Variants in CACNB2 observed in about 807,000 individuals in gnomAD.
CACNB2 encodes the protein voltage-dependent L-type calcium channel subunit beta-2.
Under a neutral mutation model 73.3 loss-of-function variants are expected in CACNB2, and 42 were observed. The ratio of observed to expected loss-of-function variants is 0.57; its 90% confidence interval spans 0.45 to 0.74. The LOEUF is 0.74. Among genes scored for constraint, CACNB2 ranks in the 30% least tolerant of loss-of-function variants. The pLI is 0.00. For missense variants in CACNB2, 940 were observed against 853.0 expected (o/e 1.10, Z -1.27); for synonymous variants, 348 against 310.3 (o/e 1.12, Z -1.28).
chr10:18,463,121 C>T (rs1043554597), intron 3 of CACNB2, among the ~76,000 whole-genome samples: 26 of 152,184 alleles, frequency 1.7e-4, no homozygotes, highest in Non-Finnish European at 3.2e-4. Context: ...CAGATAGCAA[C>T]AGCCTCATCT....
At chr10:18,339,663 A>G (rs2132063360) in intron 2 of CACNB2, among the ~76,000 whole-genome samples, 1 of 152,320 alleles carries the variant, frequency 6.6e-6, no homozygotes, top group East Asian at 1.9e-4. Flanking sequence ...TGTTGCAATG[A>G]CTGCTCTTGT....
chr10:18,209,416 C>T (rs988979728), intron 2 of CACNB2, among the ~76,000 whole-genome samples: 1 of 152,150 alleles, frequency 6.6e-6, no homozygotes, highest in Non-Finnish European at 1.5e-5. Context: ...ACTTTTGCAG[C>T]AGGAAATAGA....
chr10:18,237,294 A>G (rs776326907), intron 2 of CACNB2, among the ~76,000 whole-genome samples: 4 of 152,244 alleles, frequency 2.6e-5, no homozygotes, highest in Non-Finnish European at 4.4e-5. Flanking sequence ...TCAAATTAAG[A>G]TTAGATTTTA....
chr10:18,400,769 G>GC (rs2132525500), intron 2 of CACNB2: 1 of 1,364,388 alleles, frequency 7.3e-7, no homozygotes, highest in East Asian at 2.9e-5. Flanking sequence ...GCTTTTGAAT[G>GC]CACTTGTCTT....
chr10:18,458,046 AT>A (rs1312907708), intron 3 of CACNB2, among the ~76,000 whole-genome samples: 1 of 152,242 alleles, frequency 6.6e-6, no homozygotes, highest in Non-Finnish European at 1.5e-5. Context: ...CCAGAAAATT[AT>A]TTTTGAAATA....
intron 2 of CACNB2, among the ~76,000 whole-genome samples, chr10:18,276,771 G>T (rs2038307633): frequency 6.6e-6 from 1 of 152,200 alleles, no homozygotes; most frequent in South Asian, 2.1e-4. Flanking sequence ...TAGAGACAGG[G>T]TTTCGCCATG....
At chr10:18,451,496 G>A (rs2047020263) in intron 3 of CACNB2, among the ~76,000 whole-genome samples, 4 of 152,188 alleles carry the variant, frequency 2.6e-5, no homozygotes, top group Admixed American at 2.6e-4. Flanking sequence ...AAACTAGGTT[G>A]CGACAGAATT....
intron 2 of CACNB2, among the ~76,000 whole-genome samples, chr10:18,204,455 T>A (rs1198628256): frequency 6.6e-6 from 1 of 152,250 alleles, no homozygotes; most frequent in East Asian, 1.9e-4. Flanking sequence ...ATCAGTGGGA[T>A]AAGGAAATCT....
intron 2 of CACNB2, among the ~76,000 whole-genome samples, chr10:18,291,399 G>C (rs1157066995): frequency 6.6e-6 from 1 of 152,160 alleles, no homozygotes; most frequent in African/African-American, 2.4e-5. Flanking sequence ...TGTGATTTTG[G>C]ACGTTTCCAC....
intron 3 of CACNB2, among the ~76,000 whole-genome samples, chr10:18,438,839 A>G (rs998717540): frequency 2.6e-4 from 40 of 152,302 alleles, no homozygotes; most frequent in African/African-American, 9.6e-4. Flanking sequence ...TCCTCATGTG[A>G]CATGTTTTTA....
At chr10:18,165,330 G>C (rs1472494322) in intron 2 of CACNB2, among the ~76,000 whole-genome samples, 1 of 152,230 alleles carries the variant, frequency 6.6e-6, no homozygotes, top group African/African-American at 2.4e-5. Flanking sequence ...GCTGAGTCCA[G>C]ATAGGTACAG....
chr10:18,453,925 A>T (rs988077395), intron 3 of CACNB2, among the ~76,000 whole-genome samples: 1 of 152,206 alleles, frequency 6.6e-6, no homozygotes, highest in African/African-American at 2.4e-5. Flanking sequence ...GTGAGCCACC[A>T]TGACCAGCTG....
rs866726127 is a variant in CACNB2 at position 18,403,966 on chromosome 10, T to C, written c.333+1923T>C. ...AATAACTTAATTGTATATTTTTAAA[T>C]AACTTAAAGAATGTAATTGGACTGT... On this transcript the variant is annotated intron_variant, in intron 3 of 13. Transcript: ENST00000324631. Among the ~76,000 whole-genome samples, 3 of 151,992 alleles carry C rather than the reference T, an allele frequency of 2.0e-5. No individual in the cohort carries two copies. The South Asian group carries it at 6.2e-4, about 32-fold the overall frequency.
chr10:18,514,745 C>G (rs1338913140), intron 7 of CACNB2, among the ~76,000 whole-genome samples: 1 of 152,196 alleles, frequency 6.6e-6, no homozygotes, highest in Non-Finnish European at 1.5e-5. Flanking sequence ...ATATCTACCA[C>G]CAAGGGAATT....
intron 3 of CACNB2, among the ~76,000 whole-genome samples, chr10:18,470,934 C>T (rs1224006014): frequency 2.0e-5 from 3 of 152,166 alleles, no homozygotes; most frequent in Admixed American, 1.3e-4. Context: ...GTCCGTTCTC[C>T]TGGTTCCCAA....
intron 5 of CACNB2, among the ~76,000 whole-genome samples, chr10:18,503,662 A>G (rs1016208892): frequency 6.6e-6 from 1 of 152,190 alleles, no homozygotes; most frequent in Non-Finnish European, 1.5e-5. Context: ...GCTCCTGTCA[A>G]CTAGGTAGTA....
At chr10:18,410,444 C>T (rs183946135) in intron 3 of CACNB2, among the ~76,000 whole-genome samples, 2 of 152,080 alleles carry the variant, frequency 1.3e-5, no homozygotes, top group Non-Finnish European at 2.9e-5. Flanking sequence ...CCCTAACTAG[C>T]CTTTGAAGAA....
chr10:18,181,762 A>G (rs981323906), intron 2 of CACNB2: 4 of 150,388 alleles, frequency 2.7e-5, no homozygotes, highest in Admixed American at 6.6e-5. Context: ...CTATGGGCGC[A>G]TGCAACTATA....
intron 3 of CACNB2, among the ~76,000 whole-genome samples, chr10:18,415,661 G>A (rs2044913175): frequency 1.3e-5 from 2 of 152,184 alleles, no homozygotes; most frequent in South Asian, 2.1e-4. Context: ...TCTCTCTAAG[G>A]TTAGCAAGAT....
Sources: gnomAD v4.1 joint callset for allele counts (sites outside exome capture counted in the v4.1 genomes callset) on GRCh38, gnomAD v4.1.1 for gene constraint, MANE v1.5 for transcripts, NCBI Gene and HGNC (gene_info 2026-07-23, HGNC 2026-07-21) for gene names.